DCDC1: variants seen among roughly 807,000 people sequenced by gnomAD.
DCDC1 encodes the protein doublecortin domain-containing protein 1.
DCDC1 carries 200 observed loss-of-function variants against 178.3 expected under a neutral mutation model. That is an observed-to-expected ratio of 1.12 (90% confidence interval 1.00 to 1.26). The LOEUF is 1.26. Among genes scored for constraint, DCDC1 ranks in the 50% most tolerant of loss-of-function variants. The pLI is 0.00. For synonymous variants in DCDC1, 690 were observed against 604.8 expected (o/e 1.14, Z -2.07); for missense variants, 1,983 against 1,749.2 (o/e 1.13, Z -2.38).
At chr11:31,089,998 G>C (rs75770271) in intron 17 of DCDC1, among the ~76,000 whole-genome samples, 1 of 152,012 alleles carries the variant, frequency 6.6e-6, no homozygotes, top group Admixed American at 6.6e-5. Flanking sequence ...CCATAGTTTC[G>C]CATTGGCATT....
At chr11:30,938,415 C>G (rs1590437823) in intron 21 of DCDC1, among the ~76,000 whole-genome samples, 1 of 152,200 alleles carries the variant, frequency 6.6e-6, no homozygotes, top group Non-Finnish European at 1.5e-5. Flanking sequence ...CTCTCACACA[C>G]AGTTGTGCAG....
At chr11:31,091,329 G>A (rs1957809539) in intron 17 of DCDC1, 64 bp downstream of exon 17, 4 of 676,160 alleles carry the variant, frequency 5.9e-6, no homozygotes, top group South Asian at 4.8e-5. Flanking sequence ...CATCACAATT[G>A]AACTGCTCAG....
chr11:31,158,615 A>G (rs1222722163), intron 9 of DCDC1, among the ~76,000 whole-genome samples: 1 of 152,188 alleles, frequency 6.6e-6, no homozygotes, highest in Non-Finnish European at 1.5e-5. Context: ...TCTTTCTTGA[A>G]ACAGTGAAGT....
chr11:30,903,647 T>G lies in DCDC1; in HGVS notation c.4345A>C (p.Arg1449=). Residue 1449 remains arginine (R), a synonymous_variant, in exon 32 of 39, where the codon AGA becomes CGA. Coordinates refer to ENST00000684477, the MANE Select transcript of DCDC1 (RefSeq NM_001387274.1). ...TECTEQLGLA[R]AASKVYTKDG... is the part of the protein sequence containing the mutation. ...TTGGTATATACTTTGGAGGCTGCTC[T>G]GGCAAGCCCAAGTTGTTCCGTGCAT... The G allele has an allele frequency of 6.2e-7, 1 of 1,610,048 alleles. No individual in the cohort carries two copies. The highest frequency in any genetic ancestry group is 2.2e-5 in the East Asian group (1 of 44,792).
At chr11:31,137,409 G>T (rs990551467) in intron 10 of DCDC1, among the ~76,000 whole-genome samples, 2 of 148,152 alleles carry the variant, frequency 1.3e-5, no homozygotes, top group Non-Finnish European at 3.0e-5. Flanking sequence ...GAGTGCAGTC[G>T]CGCAATCTCT....
intron 18 of DCDC1, among the ~76,000 whole-genome samples, chr11:31,065,668 A>T (rs1206051740): frequency 6.6e-6 from 1 of 152,208 alleles, no homozygotes; most frequent in Non-Finnish European, 1.5e-5. Context: ...AGAAAGACAA[A>T]ATAGATATTT....
chr11:30,896,599 C>G (rs910914009), intron 34 of DCDC1, among the ~76,000 whole-genome samples: 2 of 152,194 alleles, frequency 1.3e-5, no homozygotes, highest in Non-Finnish European at 2.9e-5. Flanking sequence ...CGCTTTCACA[C>G]TAAATTAAAT....
chr11:30,986,336 CTT>C (rs1165693386), intron 20 of DCDC1, among the ~76,000 whole-genome samples: 10 of 139,886 alleles, frequency 7.1e-5, no homozygotes, highest in Admixed American at 7.0e-5. Context: ...TTCTCTCTCT[CTT>C]TTTTTTTTTT....
At chr11:30,876,974 T>G (rs938047997) in intron 38 of DCDC1, among the ~76,000 whole-genome samples, 1 of 152,100 alleles carries the variant, frequency 6.6e-6, no homozygotes, top group African/African-American at 2.4e-5. Flanking sequence ...CATGCAATCT[T>G]TTTCTCCTAT....
chr11:31,338,233 C>T (rs1950368949), intron 1 of DCDC1, among the ~76,000 whole-genome samples: 1 of 152,124 alleles, frequency 6.6e-6, no homozygotes, highest in Admixed American at 6.5e-5. Flanking sequence ...TGTGTTAATC[C>T]TATTCTCCTC....
chr11:31,284,107 T>C (rs1946650122), intron 7 of DCDC1, among the ~76,000 whole-genome samples: 1 of 152,154 alleles, frequency 6.6e-6, no homozygotes, highest in South Asian at 2.1e-4. Context: ...GTCTAATACC[T>C]AAAAATTGTT....
At chr11:30,990,330 G>A (rs961696504) in intron 20 of DCDC1, among the ~76,000 whole-genome samples, 1 of 152,154 alleles carries the variant, frequency 6.6e-6, no homozygotes, top group African/African-American at 2.4e-5. Flanking sequence ...CATCACTGTG[G>A]GGACTGAACA....
At chr11:31,191,639 T>C (rs1970142747) in intron 9 of DCDC1, among the ~76,000 whole-genome samples, 1 of 151,858 alleles carries the variant, frequency 6.6e-6, no homozygotes, top group South Asian at 2.1e-4. Context: ...GGGTGGGAAA[T>C]GGATAAAAGA....
At chr11:31,369,420 G>A (rs1173252664) in intron 1 of DCDC1, among the ~76,000 whole-genome samples, 1 of 152,188 alleles carries the variant, frequency 6.6e-6, no homozygotes, top group Non-Finnish European at 1.5e-5. Context: ...ACATTGTAAA[G>A]GAACTGTAGG....
chr11:31,326,788 C>T (rs994611002), intron 3 of DCDC1, among the ~76,000 whole-genome samples: 1 of 152,146 alleles, frequency 6.6e-6, no homozygotes, highest in African/African-American at 2.4e-5. Context: ...TATGATCTAA[C>T]ATTTCCATAA....
At chr11:31,281,438 T>TG (rs995086763) in intron 7 of DCDC1, among the ~76,000 whole-genome samples, 1 of 152,104 alleles carries the variant, frequency 6.6e-6, no homozygotes, top group East Asian at 1.9e-4. Flanking sequence ...AAGTTTGCTA[T>TG]GAAAATTTTT....
At chr11:31,196,497 A>G (rs1279328053) in intron 9 of DCDC1, among the ~76,000 whole-genome samples, 1 of 151,694 alleles carries the variant, frequency 6.6e-6, no homozygotes, top group East Asian at 1.9e-4. Context: ...GGTTCCCATG[A>G]CTCCCTCCTC....
At chr11:31,322,567 G>A (rs1301131637) in intron 3 of DCDC1, among the ~76,000 whole-genome samples, 2 of 152,138 alleles carry the variant, frequency 1.3e-5, no homozygotes, top group Middle Eastern at 3.4e-3. Context: ...TTTACAGAAA[G>A]GTTATTTGCC....
chr11:31,277,083 T>C (rs571297357), intron 7 of DCDC1, among the ~76,000 whole-genome samples: 22 of 152,252 alleles, frequency 1.4e-4, no homozygotes, highest in African/African-American at 1.9e-4. Flanking sequence ...AGTGAATATA[T>C]AGAATATTCC....
Sources: allele counts gnomAD v4.1 joint callset (sites outside exome capture counted in the v4.1 genomes callset), GRCh38; gene constraint gnomAD v4.1.1; transcripts MANE v1.5; gene names NCBI Gene and HGNC (gene_info 2026-07-23, HGNC 2026-07-21).